IDO2: variants seen among roughly 807,000 people sequenced by gnomAD.
IDO2 encodes indoleamine 2,3-dioxygenase 2.
A neutral mutation model predicts 45.1 loss-of-function variants in IDO2; 46 were observed. That is an observed-to-expected ratio of 1.02 (90% CI 0.80 to 1.30). IDO2 has a LOEUF of 1.30. Ranked by LOEUF, IDO2 falls within the 50% of genes most tolerant of loss-of-function variation. The pLI is 0.00. For synonymous variants in IDO2, 218 were observed against 184.9 expected (o/e 1.18, Z -1.45); for missense variants, 544 against 491.8 (o/e 1.11, Z -1.00).
At chr8:39,963,234 C>T (rs981623371) in intron 2 of IDO2, among the ~76,000 whole-genome samples, 1 of 152,196 alleles carries the variant, frequency 6.6e-6, no homozygotes, top group Admixed American at 6.5e-5. Flanking sequence ...GTCACTTCCC[C>T]TCCAAAAATT....
At chr8:39,999,755 G>T (rs1802107065) in intron 8 of IDO2, among the ~76,000 whole-genome samples, 1 of 152,216 alleles carries the variant, frequency 6.6e-6, no homozygotes. Flanking sequence ...GAGCCACCAT[G>T]CCTGGCCAAA....
chr8:39,964,251 T>C (rs950642451), intron 3 of IDO2, among the ~76,000 whole-genome samples: 6 of 152,238 alleles, frequency 3.9e-5, no homozygotes, highest in Non-Finnish European at 7.3e-5. Context: ...TTACTTTTAA[T>C]GACAAAAACC....
intron 7 of IDO2, among the ~76,000 whole-genome samples, chr8:39,989,209 T>G (rs1585413032): frequency 6.6e-6 from 1 of 152,196 alleles, no homozygotes; most frequent in East Asian, 1.9e-4. Flanking sequence ...AATCAGATTT[T>G]GTGAAAACTC....
intron 3 of IDO2, among the ~76,000 whole-genome samples, chr8:39,964,196 C>A (rs2543053): frequency 0.94 from 143,312 of 152,314 alleles, 67,486 homozygotes; most frequent in African/African-American, 0.97. Context: ...AAATTCCACA[C>A]AAGTGTTGAT....
chr8:39,982,105 G>A (rs1808361500), intron 4 of IDO2, among the ~76,000 whole-genome samples: 2 of 152,164 alleles, frequency 1.3e-5, no homozygotes, highest in Admixed American at 1.3e-4. Context: ...ATCTAGCTTT[G>A]TATCTCTATG....
At chr8:39,947,554 C>T (rs1807756509) in intron 1 of IDO2, among the ~76,000 whole-genome samples, 1 of 152,148 alleles carries the variant, frequency 6.6e-6, no homozygotes, top group African/African-American at 2.4e-5. Context: ...CTACCTGTGC[C>T]TCTTTTAAAA....
At chr8:39,944,408 G>A (rs921928838) in intron 1 of IDO2, among the ~76,000 whole-genome samples, 5 of 152,046 alleles carry the variant, frequency 3.3e-5, no homozygotes, top group African/African-American at 7.2e-5. Context: ...TAGACTCCCC[G>A]TTTTCCTTTA....
chr8:39,980,124 A>G (rs913799104), intron 4 of IDO2, among the ~76,000 whole-genome samples: 1 of 152,214 alleles, frequency 6.6e-6, no homozygotes, highest in African/African-American at 2.4e-5. Flanking sequence ...CCGGGCCTGA[A>G]GACAGACTCT....
At chr8:39,939,941 T>C (rs1356315803) in intron 1 of IDO2, among the ~76,000 whole-genome samples, 1 of 138,206 alleles carries the variant, frequency 7.2e-6, no homozygotes, top group Non-Finnish European at 1.6e-5. Flanking sequence ...CTTTTTCTAA[T>C]TTCTCCTTGG....
At chr8:39,957,631 A>G (rs1392547683) in intron 2 of IDO2, among the ~76,000 whole-genome samples, 1 of 152,172 alleles carries the variant, frequency 6.6e-6, no homozygotes, top group African/African-American at 2.4e-5. Context: ...TAAAATGAAA[A>G]TAAAACCTTG....
At chr8:39,982,706 C>A (rs775816867) in exon 5 of IDO2, 1 of 1,611,786 alleles carries the variant, frequency 6.2e-7, no homozygotes, top group Non-Finnish European at 8.5e-7. Flanking sequence ...GAACTTGGGG[C>A]TCCCTCCTAT....
chr8:39,976,334 G>A (rs1808259380), intron 3 of IDO2, among the ~76,000 whole-genome samples: 1 of 152,028 alleles, frequency 6.6e-6, no homozygotes, highest in African/African-American at 2.4e-5. Context: ...TATAAATAGC[G>A]AGGAAATAAC....
exon 11 of IDO2, chr8:40,015,359 C>T: frequency 6.2e-7 from 1 of 1,613,716 alleles, no homozygotes; most frequent in Non-Finnish European, 8.5e-7. Context: ...CTGGACAGGA[C>T]CACTTGCTGA....
At chr8:39,959,414 G>A (rs1004224225) in intron 2 of IDO2, among the ~76,000 whole-genome samples, 1 of 36,790 alleles carries the variant, frequency 2.7e-5, no homozygotes, top group Non-Finnish European at 8.3e-5. Context: ...GTGCCCGGCT[G>A]TTAATTTGTA....
intron 1 of IDO2, among the ~76,000 whole-genome samples, chr8:39,942,330 G>T (rs1187594097): frequency 6.6e-6 from 1 of 152,170 alleles, no homozygotes; most frequent in Non-Finnish European, 1.5e-5. Context: ...CTCACACTCT[G>T]GTAGTCCTGA....
In IDO2 at chr8:40,005,393, G is replaced by T; in HGVS notation, c.719+15G>T. ...TTTCTCTCTGGGTAAGTATAGTTCA[G>T]TTGTTTTCCTGTGTGAAGTCTCTGT... On this transcript the variant is annotated intron_variant, in intron 9 of 10. Coordinates refer to ENST00000502986, the Ensembl canonical transcript of IDO2. 2 of 1,520,116 alleles carry T rather than the reference G, an allele frequency of 1.3e-6. No individual in the cohort carries two copies. The highest frequency in any genetic ancestry group is 9.0e-7 in the Non-Finnish European group (1 of 1,115,326). 94.2% of individuals were successfully genotyped at this position (1,520,116 alleles called of 1,614,324 possible). A position where few individuals can be genotyped will look rare whatever the true frequency, so the allele number is the denominator to read the frequency against.
chr8:39,991,502 A>G (rs2129594835), intron 8 of IDO2, among the ~76,000 whole-genome samples: 1 of 152,102 alleles, frequency 6.6e-6, no homozygotes, highest in Admixed American at 6.5e-5. Flanking sequence ...ACATAGCAGT[A>G]AGATGGTGCA....
intron 6 of IDO2, 32 bp downstream of exon 6, chr8:39,985,554 G>A: frequency 6.5e-7 from 1 of 1,540,640 alleles, no homozygotes; most frequent in Non-Finnish European, 8.8e-7. Context: ...ACGCACTTTA[G>A]AATCCAGGCC....
At chr8:39,947,093 T>A (rs1311379270) in intron 1 of IDO2, among the ~76,000 whole-genome samples, 5 of 147,482 alleles carry the variant, frequency 3.4e-5, no homozygotes, top group Non-Finnish European at 7.4e-5. Context: ...GAGGCAGAGG[T>A]TGCAGTGAGC....
Sources: allele counts gnomAD v4.1 joint callset (sites outside exome capture counted in the v4.1 genomes callset), GRCh38; gene constraint gnomAD v4.1.1; transcripts MANE v1.5; gene names NCBI Gene and HGNC (gene_info 2026-07-23, HGNC 2026-07-21).